The following RNF144B variants were observed in gnomAD, a reference collection of about 807,000 sequenced individuals.
The protein encoded by RNF144B is E3 ubiquitin-protein ligase RNF144B.
RNF144B carries 25 observed loss-of-function variants against 40.2 expected under a neutral mutation model. The ratio of observed to expected loss-of-function variants is 0.62; its 90% CI spans 0.45 to 0.87. The LOEUF (loss-of-function observed/expected upper bound fraction) is 0.87, where lower values mean the gene tolerates loss of function less well. RNF144B is among the 40% of genes least tolerant of loss of function. RNF144B has a pLI of 0.00. For missense variants in RNF144B, 365 were observed against 373.7 expected (o/e 0.98, Z 0.19); for synonymous variants, 145 against 136.3 (o/e 1.06, Z -0.44).
rs36051239 is a variant in RNF144B, at chr6:18,444,997, C to T, written c.331+5253C>T. Among the ~76,000 whole-genome samples, 18,988 of 152,086 alleles carry T rather than the reference C, an allele frequency of 0.12. 1,361 individuals carry two copies. The highest frequency in any genetic ancestry group is 0.19 in the Admixed American group (2,943 of 15,258). The stretch of plus-strand genomic sequence containing the variant: ...AAAGGTTTTATTCCATCAGAGCTCC[C>T]TATGTAGTTATGTAGTTTCTTTTAG... On this transcript the variant is annotated intron_variant, in intron 4 of 7. Transcript: ENST00000259939. The surrounding 1 kb of genome is among the most constrained non-coding windows in gnomAD (Gnocchi z 4.3).
chr6:18,387,670 AGACCG>A (rs1179756525), intron 1 of RNF144B, 40 bp downstream of exon 1: 2 of 1,285,104 alleles, frequency 1.6e-6, no homozygotes, highest in East Asian at 1.1e-4. Flanking sequence ...AGGCGTTGCA[AGACCG>A]GAATGGTGTT....
rs1287904947 is a variant in RNF144B, at chr6:18,425,515, T to A, written c.166-2066T>A. Among the ~76,000 whole-genome samples, 4 of 152,178 alleles carry A rather than the reference T, an allele frequency of 2.6e-5. No homozygotes were observed. Among genetic ancestry groups the A allele is most frequent in the African/African-American group, 7.2e-5 (3 of 41,440 alleles). On this transcript the variant is annotated intron_variant, in intron 2 of 7. Coordinates refer to ENST00000259939, the MANE Select transcript of RNF144B (RefSeq NM_182757.4). The surrounding 1 kb of genome is among the most constrained non-coding windows in gnomAD (Gnocchi z 4.2). Reference sequence around the variant, plus strand: ...CTGCCCATTGACATTCTTCCCCATATTTCCTTGCTGCTGCTCTCTTCTATG... The same window carrying A: ...CTGCCCATTGACATTCTTCCCCATAATTCCTTGCTGCTGCTCTCTTCTATG...
rs187794482 is a variant in RNF144B at position 18,435,110 on chromosome 6, A to G, written c.271-4574A>G. 3.2e-3 allele frequency among the ~76,000 whole-genome samples: 482 copies of G among 152,310 alleles called. 2 individuals carry two copies. Among genetic ancestry groups the G allele is most frequent in the Middle Eastern group, 0.031 (9 of 294 alleles). On this transcript the variant is annotated intron_variant, in intron 3 of 7. Coordinates refer to ENST00000259939, the MANE Select transcript of RNF144B (RefSeq NM_182757.4). ...TTTGGGTGTTTTCCCCCACCTTTGG[A>G]AAGAGTTTCTAGAATGATCATGAGG...
Position 18,387,374 on chromosome 6 carries a change from C to T in RNF144B, c.-293C>T. ...CGAGCTGTGCCCCACGCTCCCGCTG[C>T]AACAGTCCCGGGCATCGCAGCTGCC... On this transcript the variant is annotated 5_prime_UTR_variant, in exon 1 of 8. Coordinates refer to ENST00000259939, the MANE Select transcript of RNF144B (RefSeq NM_182757.4). 1 of 1,159,174 alleles carries T rather than the reference C, an allele frequency of 8.6e-7. No homozygotes were observed. The highest frequency in any genetic ancestry group is 1.1e-6 in the Non-Finnish European group (1 of 924,436). The allele number at this position is 1,159,174 out of a possible 1,614,324, so 71.8% of individuals were successfully genotyped here.
In RNF144B at chr6:18,444,230, T is replaced by G. The variant is rs368858426; in HGVS notation, c.331+4486T>G. Among the ~76,000 whole-genome samples the G allele has an allele frequency of 6.6e-6, 1 of 152,210 alleles. No homozygotes were observed. The highest frequency in any genetic ancestry group is 2.1e-4 in the South Asian group (1 of 4,828). On this transcript the variant is annotated intron_variant, in intron 4 of 7. Transcript: ENST00000259939. The surrounding 1 kb of genome is among the most constrained non-coding windows in gnomAD (Gnocchi z 4.3). The stretch of plus-strand genomic sequence containing the variant: ...CAAAGAAATACTATCTGATATTGGT[T>G]GGTTATTCTACCCGCTTTCCACCCA...
rs1274776906 is a variant in RNF144B at position 18,434,180 on chromosome 6, TCTC to T, written c.271-5503_271-5501del. On this transcript the variant is annotated intron_variant, in intron 3 of 7. Transcript: ENST00000259939. This position sits in a 1 kb window ranked among gnomAD's most constrained non-coding sequence, Gnocchi z 4.1. The stretch of plus-strand genomic sequence containing the variant: ...TTTCCGGACTCTGATGGGTAGCAGT[TCTC>T]TAAAGCCTATCCCCAATTTCTGTTT... 6.6e-6 allele frequency among the ~76,000 whole-genome samples: 1 copy of T among 152,202 alleles called. No homozygotes were observed. Among genetic ancestry groups the T allele is most frequent in the African/African-American group, 2.4e-5 (1 of 41,456 alleles).
At chr6:18,387,755 C>G in intron 1 of RNF144B, 125 bp downstream of exon 1, 1 of 657,200 alleles carries the variant, frequency 1.5e-6, no homozygotes, top group Non-Finnish European at 2.2e-6. Flanking sequence ...GTCTCTAGTG[C>G]TCAAACCATA....
intron 3 of RNF144B, among the ~76,000 whole-genome samples, chr6:18,431,319 T>C (rs1758692349): frequency 6.6e-6 from 1 of 152,242 alleles, no homozygotes; most frequent in South Asian, 2.1e-4. Context: ...GTAGTGGTAA[T>C]TGATAATCAT....
intron 2 of RNF144B, among the ~76,000 whole-genome samples, chr6:18,404,082 TAAAC>T (rs2089826018): frequency 6.6e-6 from 1 of 152,178 alleles, no homozygotes; most frequent in African/African-American, 2.4e-5. Flanking sequence ...TTGGTGGGGA[TAAAC>T]AAACCATATC....
intron 3 of RNF144B, among the ~76,000 whole-genome samples, chr6:18,428,067 G>A (rs1308433626): frequency 6.6e-6 from 1 of 152,110 alleles, no homozygotes; most frequent in African/African-American, 2.4e-5. Flanking sequence ...TGAATCATGG[G>A]GGCGGTTCCC....
chr6:18,439,850 C>T (rs1246515653), intron 4 of RNF144B, 106 bp downstream of exon 4: 4 of 673,670 alleles, frequency 5.9e-6, no homozygotes, highest in Non-Finnish European at 1.1e-5. Flanking sequence ...TCAACAAAGC[C>T]TCAAGGGTAC....
intron 2 of RNF144B, among the ~76,000 whole-genome samples, chr6:18,409,375 CAAAAAAAAAAA>C (rs770011648): frequency 1.0e-4 from 6 of 59,556 alleles, no homozygotes; most frequent in African/African-American, 3.9e-4. Context: ...GAGACTGTCT[CAAAAAAAAAAA>C]AAAAAAAAAA....
chr6:18,421,866 C>A (rs757080288), intron 2 of RNF144B, among the ~76,000 whole-genome samples: 1 of 152,024 alleles, frequency 6.6e-6, no homozygotes, highest in South Asian at 2.1e-4. Flanking sequence ...GGATGAGGGA[C>A]GAGAACTGTC....
intron 2 of RNF144B, among the ~76,000 whole-genome samples, chr6:18,424,576 T>A (rs1473440336): frequency 6.6e-6 from 1 of 152,112 alleles, no homozygotes; most frequent in Admixed American, 6.6e-5. Flanking sequence ...AAAATTCATT[T>A]AGTTGATATA....
Position 18,466,754 on chromosome 6 carries a change from T to G in RNF144B, c.*1687T>G, listed in dbSNP as rs927333160. 7 of 152,630 alleles carry G rather than the reference T, an allele frequency of 4.6e-5. No individual in the cohort carries two copies. The highest frequency in any genetic ancestry group is 9.6e-5 in the African/African-American group (4 of 41,460). The allele number at this position is 152,630 out of a possible 1,614,324, so 9.5% of individuals were successfully genotyped here. A position where few individuals can be genotyped will look rare whatever the true frequency, so the allele number is the denominator to read the frequency against. ...TTGTTAAAGGATGATGCTTTGCCTA[T>G]GTAATAGGATATATCCTAAGTGGGG... On this transcript the variant is annotated 3_prime_UTR_variant, in exon 8 of 8. Coordinates refer to ENST00000259939, the MANE Select transcript of RNF144B (RefSeq NM_182757.4).
At position 18,448,686 on chromosome 6, in the gene RNF144B, ATG is replaced by A. The variant is rs1759139229; in HGVS notation, c.332-8468_332-8467del. On this transcript the variant is annotated intron_variant, in intron 4 of 7. Coordinates refer to ENST00000259939, the MANE Select transcript of RNF144B (RefSeq NM_182757.4). The surrounding 1 kb of genome is among the most constrained non-coding windows in gnomAD (Gnocchi z 4.0). ...AATCCATTTTATTTTGAAAGCCAGC[ATG>A]CACACACACACACACACACACACAC... Among the ~76,000 whole-genome samples, 4 of 101,402 alleles carry A rather than the reference ATG, an allele frequency of 3.9e-5. No individual in the cohort carries two copies. The highest frequency in any genetic ancestry group is 9.2e-5 in the Non-Finnish European group (4 of 43,650). The allele number at this position is 101,402 out of a possible 152,430, so 66.5% of individuals were successfully genotyped here. A position where few individuals can be genotyped will look rare whatever the true frequency, so the allele number is the denominator to read the frequency against.
In RNF144B at chr6:18,396,888, C is replaced by T. The variant is rs183314155; in HGVS notation, c.-36-2611C>T. ...GAGATTTTTTACAAAAACTCAAAAT[C>T]CTGAATTTGACGTGCAGGTCTATTT... On this transcript the variant is annotated intron_variant, in intron 1 of 7. Transcript: ENST00000259939. The T allele has an allele frequency of 1.9e-3, 1,807 of 938,420 alleles. 1 individual carries two copies. The highest frequency in any genetic ancestry group is 0.011 in the Middle Eastern group (21 of 1,832). The allele number at this position is 938,420 out of a possible 1,614,324, so 58.1% of individuals were successfully genotyped here.
chr6:18,437,803 A>G (rs1377501649), intron 3 of RNF144B, among the ~76,000 whole-genome samples: 1 of 151,456 alleles, frequency 6.6e-6, no homozygotes, highest in East Asian at 1.9e-4. Flanking sequence ...CATTTTTCAC[A>G]TTAACATTTC....
At chr6:18,415,517 C>T (rs1186894938) in intron 2 of RNF144B, among the ~76,000 whole-genome samples, 1 of 152,180 alleles carries the variant, frequency 6.6e-6, no homozygotes, top group African/African-American at 2.4e-5. Context: ...GTGCCAGTTC[C>T]ATTCATGAGA....
Sources: allele counts gnomAD v4.1 joint callset (sites outside exome capture counted in the v4.1 genomes callset), GRCh38; gene constraint gnomAD v4.1.1; non-coding constraint Gnocchi (gnomAD v3.1); transcripts MANE v1.5; gene names NCBI Gene and HGNC (gene_info 2026-07-23, HGNC 2026-07-21).